The following SPMIP4 variants were observed in gnomAD, a reference collection of about 807,000 sequenced individuals.
The protein encoded by SPMIP4 is sperm microtubule inner protein 4.
chr7:25,169,309 C>G, the SPMIP4 span, among the ~76,000 whole-genome samples: 2 of 152,124 alleles, frequency 1.3e-5, no homozygotes, highest in South Asian at 2.1e-4. Flanking sequence ...GCGAGCATCC[C>G]CACAGTCAAC....
chr7:25,166,211 C>CT, the SPMIP4 span, among the ~76,000 whole-genome samples: 2 of 141,988 alleles, frequency 1.4e-5, no homozygotes, highest in South Asian at 4.4e-4. Flanking sequence ...TAATCTTGCT[C>CT]TTTTTTCTTT....
At chr7:25,134,723 TTTA>T in the SPMIP4 span, 1 of 985,058 alleles carries the variant, frequency 1.0e-6, no homozygotes, top group South Asian at 4.7e-5. Flanking sequence ...CCTTCCAAAG[TTTA>T]TTATTTGGAA....
chr7:25,175,014 T>C, the SPMIP4 span, among the ~76,000 whole-genome samples: 1 of 152,204 alleles, frequency 6.6e-6, no homozygotes. Flanking sequence ...GCCAGATCCA[T>C]AGTCCTGGTT....
chr7:25,155,036 A>G, the SPMIP4 span: 5 of 1,613,998 alleles, frequency 3.1e-6, no homozygotes, highest in East Asian at 2.2e-5. Flanking sequence ...CTGTTGAATC[A>G]TAAGCCTTGG....
the SPMIP4 span, among the ~76,000 whole-genome samples, chr7:25,155,700 G>A: frequency 1.3e-5 from 2 of 151,932 alleles, no homozygotes; most frequent in South Asian, 2.1e-4. Flanking sequence ...TATAACCCCT[G>A]TTTATATACA....
At chr7:25,175,099 G>C in the SPMIP4 span, among the ~76,000 whole-genome samples, 4 of 152,072 alleles carry the variant, frequency 2.6e-5, no homozygotes, top group African/African-American at 9.7e-5. Flanking sequence ...AGATTCCCTT[G>C]CACCCCCTCA....
At chr7:25,143,855 A>T in the SPMIP4 span, among the ~76,000 whole-genome samples, 1 of 152,150 alleles carries the variant, frequency 6.6e-6, no homozygotes, top group Non-Finnish European at 1.5e-5. Context: ...ACTTCAGCCT[A>T]TCAAGCGTTA....
the SPMIP4 span, chr7:25,125,950 C>G: frequency 3.0e-6 from 3 of 985,136 alleles, no homozygotes; most frequent in African/African-American, 5.2e-5. Context: ...GCTGCATTTG[C>G]GGCAGAGACA....
chr7:25,141,574 GAAAAAAAAAAA>G, the SPMIP4 span, among the ~76,000 whole-genome samples: 63 of 94,938 alleles, frequency 6.6e-4, no homozygotes, highest in African/African-American at 2.5e-3. Flanking sequence ...CTGTCTCAAG[GAAAAAAAAAAA>G]AAAAAAAAAA....
the SPMIP4 span, among the ~76,000 whole-genome samples, chr7:25,139,106 C>G: frequency 1.3e-5 from 2 of 151,434 alleles, no homozygotes; most frequent in Non-Finnish European, 2.9e-5. Context: ...TGTTAAAACT[C>G]GATGAATGTA....
At chr7:25,150,061 A>G in the SPMIP4 span, among the ~76,000 whole-genome samples, 1 of 152,150 alleles carries the variant, frequency 6.6e-6, no homozygotes, top group African/African-American at 2.4e-5. Context: ...AAATGGCATG[A>G]ACCTGTTTGG....
chr7:25,161,295 T>A, the SPMIP4 span: 1 of 1,215,598 alleles, frequency 8.2e-7, no homozygotes, highest in Admixed American at 2.2e-5. Flanking sequence ...TAAACATGTT[T>A]TAAAATTAAC....
the SPMIP4 span, among the ~76,000 whole-genome samples, chr7:25,168,810 C>CT: frequency 6.7e-6 from 1 of 149,998 alleles, no homozygotes; most frequent in Non-Finnish European, 1.5e-5. Flanking sequence ...ACTGCAGCCT[C>CT]TGCCTCCTGG....
chr7:25,156,761 C>A, the SPMIP4 span, among the ~76,000 whole-genome samples: 2 of 152,136 alleles, frequency 1.3e-5, no homozygotes, highest in African/African-American at 4.8e-5. Flanking sequence ...GATCTCAGCT[C>A]ACTGCAACCT....
the SPMIP4 span, chr7:25,179,839 A>G: frequency 6.6e-6 from 1 of 152,408 alleles, no homozygotes; most frequent in East Asian, 1.9e-4. Context: ...GTCGGGGAGA[A>G]TCCCACCTCT....
the SPMIP4 span, chr7:25,135,358 A>G: frequency 1.0e-6 from 1 of 985,534 alleles, no homozygotes; most frequent in Non-Finnish European, 1.2e-6. Flanking sequence ...TAATGTGTAC[A>G]TGCAGAGAGT....
chr7:25,142,369 AAACGAAG>A, the SPMIP4 span: 2 of 1,444,876 alleles, frequency 1.4e-6, no homozygotes, highest in African/African-American at 2.8e-5. Context: ...TTGTTAGGGT[AAACGAAG>A]AACGACAGTT....
the SPMIP4 span, chr7:25,161,217 T>C: frequency 6.4e-7 from 1 of 1,566,674 alleles, no homozygotes; most frequent in Non-Finnish European, 8.7e-7. Context: ...ACATCACTTT[T>C]TTTGTTCTGG....
At chr7:25,163,258 T>C in the SPMIP4 span, among the ~76,000 whole-genome samples, 1 of 152,262 alleles carries the variant, frequency 6.6e-6, no homozygotes. This position sits in a 1 kb window ranked among gnomAD's most constrained non-coding sequence, Gnocchi z 4.4. Context: ...TGTCATTTCC[T>C]GTATGTGTGG....
Sources: allele counts gnomAD v4.1 joint callset (sites outside exome capture counted in the v4.1 genomes callset), GRCh38; gene constraint gnomAD v4.1.1; non-coding constraint Gnocchi (gnomAD v3.1); transcripts MANE v1.5; gene names NCBI Gene and HGNC (gene_info 2026-07-23, HGNC 2026-07-21).